The following PTN variants were observed in gnomAD, a reference collection of about 807,000 sequenced individuals.
PTN encodes pleiotrophin, also known as heparin affin regulatory protein.
Under a neutral mutation model 24.1 loss-of-function variants are expected in PTN, and 18 were observed. That is an observed-to-expected ratio of 0.75 (90% confidence interval 0.52 to 1.11). PTN has a LOEUF of 1.11. PTN is among the 50% of genes least tolerant of loss of function. PTN has a pLI of 0.00. For missense variants in PTN, 163 were observed against 198.8 expected, an observed-to-expected ratio of 0.82 and a Z score of 1.08; for synonymous variants, 78 against 68.6, an observed-to-expected ratio of 1.14 and a Z score of -0.67.
chr7:137,276,798 GA>G (rs5887830), intron 1 of PTN, among the ~76,000 whole-genome samples: 15,554 of 146,004 alleles, frequency 0.11, 1,355 homozygotes, highest in African/African-American at 0.25. Flanking sequence ...GCTTTTAACA[GA>G]AAAAAAAAAA....
intron 1 of PTN, among the ~76,000 whole-genome samples, chr7:137,255,532 A>G (rs1319641648): frequency 6.6e-6 from 1 of 152,174 alleles, no homozygotes; most frequent in African/African-American, 2.4e-5. Context: ...CTATCATCTT[A>G]TTATTCCATT....
chr7:137,240,387 C>G (rs4142090), intron 4 of PTN, among the ~76,000 whole-genome samples: 17,226 of 152,138 alleles, frequency 0.11, 1,322 homozygotes, highest in East Asian at 0.3. Flanking sequence ...TGTCTCATAG[C>G]ATTTGCCACT....
At chr7:137,261,137 A>G (rs768792099) in intron 1 of PTN, among the ~76,000 whole-genome samples, 1 of 152,034 alleles carries the variant, frequency 6.6e-6, no homozygotes, top group African/African-American at 2.4e-5. Flanking sequence ...ATAGGTTTTA[A>G]GCCATCACAT....
At chr7:137,263,905 A>G (rs1018066420) in intron 1 of PTN, among the ~76,000 whole-genome samples, 4 of 152,098 alleles carry the variant, frequency 2.6e-5, no homozygotes, top group Non-Finnish European at 4.4e-5. Context: ...AACTTTGGAA[A>G]TCTACTGAAT....
At chr7:137,279,709 A>C (rs564388189) in intron 1 of PTN, among the ~76,000 whole-genome samples, 1 of 152,354 alleles carries the variant, frequency 6.6e-6, no homozygotes, top group Non-Finnish European at 1.5e-5. Context: ...TAAAAAATTT[A>C]GTGACGCTAT....
intron 1 of PTN, among the ~76,000 whole-genome samples, chr7:137,324,433 A>AAAAAAAATATATATATATATATAT: frequency 4.5e-5 from 4 of 88,802 alleles, no homozygotes; most frequent in African/African-American, 2.8e-4. Flanking sequence ...AAAAAAAAAA[A>AAAAAAAATATATATATATATATAT]ATATATATAT....
At position 137,314,538 on chromosome 7, in the gene PTN, C is replaced by A. The variant is rs963539014; in HGVS notation, c.-2+28901G>T. Among the ~76,000 whole-genome samples, 12 of 150,170 alleles carry A rather than the reference C, an allele frequency of 8.0e-5. No homozygotes were observed. The East Asian group carries it at 2.0e-3, about 25-fold the overall frequency. On this transcript the variant is annotated intron_variant, in intron 1 of 4. Coordinates refer to ENST00000348225, the MANE Select transcript of PTN (RefSeq NM_002825.7). ...ATTGTATATACAGATGTGCCGTATA[C>A]ATTATGCCTATTTTTATGGTATTAT...
intron 1 of PTN, among the ~76,000 whole-genome samples, chr7:137,303,505 TAA>T (rs1809838097): frequency 1.3e-5 from 2 of 151,952 alleles, no homozygotes; most frequent in African/African-American, 4.8e-5. Context: ...TAAAAATGCT[TAA>T]GATATAAAAA....
intron 1 of PTN, among the ~76,000 whole-genome samples, chr7:137,271,860 C>A (rs322239): frequency 0.87 from 131,838 of 152,254 alleles, 57,396 homozygotes; most frequent in East Asian, 0.99. Context: ...TCTTAGCAAT[C>A]GACGTGGGTA....
At position 137,254,902 on chromosome 7, in the gene PTN, C is replaced by G. The variant is rs1183512476; in HGVS notation, c.72G>C (p.Leu24=). Residue 24 remains leucine (L), a synonymous_variant, in exon 2 of 5, where the codon CTG becomes CTC. Coordinates refer to ENST00000348225, the MANE Select transcript of PTN (RefSeq NM_002825.7). Reference sequence around the variant, plus strand: ...CTGCTTCAGCAGTATCCACAGCTGCCAGTATGAAAATGAATGCCAAGAAGG... The same window carrying G: ...CTGCTTCAGCAGTATCCACAGCTGCGAGTATGAAAATGAATGCCAAGAAGG... ...AAAFLAFIFI[L]AAVDTAEAGK... 1 of 1,584,698 alleles carries G rather than the reference C, an allele frequency of 6.3e-7. No individual in the cohort carries two copies. Among genetic ancestry groups the G allele is most frequent in the Non-Finnish European group, 8.6e-7 (1 of 1,158,164 alleles).
At chr7:137,269,784 T>C (rs1169639107) in intron 1 of PTN, among the ~76,000 whole-genome samples, 3 of 150,962 alleles carry the variant, frequency 2.0e-5, no homozygotes, top group Non-Finnish European at 3.0e-5. Context: ...AAATGTGCGC[T>C]ACCCTGCCCG....
Position 137,342,547 on chromosome 7 carries a change from GT to G in PTN, c.-2+891del, listed in dbSNP as rs762043408. On this transcript the variant is annotated intron_variant, in intron 1 of 4. Coordinates refer to ENST00000348225, the MANE Select transcript of PTN (RefSeq NM_002825.7). ...TGTTCCTGTGTGTGTGTGTGTGTGT[GT>G]TGTGTCACATTATGTCATGGAGAAA... is the stretch of plus-strand genomic sequence containing the variant. Among the ~76,000 whole-genome samples the G allele has an allele frequency of 3.9e-4, 58 of 150,178 alleles. No homozygotes were observed. In the East Asian group the frequency reaches 8.5e-3, roughly 22 times the overall value.
intron 1 of PTN, among the ~76,000 whole-genome samples, chr7:137,278,791 C>T (rs1200622306): frequency 6.6e-6 from 1 of 151,240 alleles, no homozygotes; most frequent in Non-Finnish European, 1.5e-5. Flanking sequence ...ATTACAAAAA[C>T]TTAGCCGGGC....
At chr7:137,277,385 CTT>C (rs1256660714) in intron 1 of PTN, among the ~76,000 whole-genome samples, 13 of 152,178 alleles carry the variant, frequency 8.5e-5, no homozygotes, top group Non-Finnish European at 1.5e-4. Flanking sequence ...TTAAAATACA[CTT>C]ATCATACAAC....
At chr7:137,334,488 A>C (rs557599394) in intron 1 of PTN, among the ~76,000 whole-genome samples, 1 of 104,316 alleles carries the variant, frequency 9.6e-6, no homozygotes, top group Admixed American at 1.1e-4. Context: ...CAAAACCACA[A>C]TGAGATACCA....
intron 1 of PTN, among the ~76,000 whole-genome samples, chr7:137,255,445 T>G (rs1563201622): frequency 6.6e-6 from 1 of 152,220 alleles, no homozygotes; most frequent in Non-Finnish European, 1.5e-5. Context: ...TACAAGTATA[T>G]GTTTACTGTT....
intron 1 of PTN, among the ~76,000 whole-genome samples, chr7:137,312,650 G>T (rs892638680): frequency 6.6e-6 from 1 of 151,974 alleles, no homozygotes; most frequent in East Asian, 1.9e-4. Context: ...AACCACTGGA[G>T]AGATTTTCAA....
intron 1 of PTN, among the ~76,000 whole-genome samples, chr7:137,258,590 A>C (rs1808977259): frequency 6.6e-6 from 1 of 152,158 alleles, no homozygotes; most frequent in African/African-American, 2.4e-5. Context: ...GAAGAGAGTA[A>C]AGAGTTTTAA....
chr7:137,334,230 G>A (rs1198100744), intron 1 of PTN, among the ~76,000 whole-genome samples: 262 of 145,360 alleles, frequency 1.8e-3, no homozygotes, highest in African/African-American at 6.5e-3. Flanking sequence ...CACAGCAAAA[G>A]AAACTACCAT....
Sources: allele counts gnomAD v4.1 joint callset (sites outside exome capture counted in the v4.1 genomes callset), GRCh38; gene constraint gnomAD v4.1.1; transcripts MANE v1.5; gene names NCBI Gene and HGNC (gene_info 2026-07-23, HGNC 2026-07-21).